The following BRINP2 variants were observed in gnomAD, a reference collection of about 807,000 sequenced individuals.
The protein encoded by BRINP2 is BMP/retinoic acid-inducible neural-specific protein 2.
A neutral mutation model predicts 69.2 loss-of-function variants in BRINP2; 21 were observed. That is an observed-to-expected ratio of 0.30 (90% CI 0.22 to 0.44). The LOEUF (loss-of-function observed/expected upper bound fraction) is 0.44, where lower values mean the gene tolerates loss of function less well. Among genes scored for constraint, BRINP2 ranks in the 20% least tolerant of loss-of-function variants. The probability of loss-of-function intolerance (pLI) is 1.00; values close to 1 mark genes in which losing one functional copy is unlikely to be tolerated. For missense variants in BRINP2, 877 were observed against 986.0 expected (o/e 0.89, Z 1.48); for synonymous variants, 380 against 394.1 (o/e 0.96, Z 0.42).
intron 1 of BRINP2, among the ~76,000 whole-genome samples, chr1:177,224,511 A>G (rs759817067): frequency 6.6e-6 from 1 of 152,162 alleles, no homozygotes; most frequent in Non-Finnish European, 1.5e-5. Context: ...CTCATAAATC[A>G]TTTAACCGAT....
At chr1:177,222,348 A>G (rs980656784) in intron 1 of BRINP2, among the ~76,000 whole-genome samples, 1 of 151,772 alleles carries the variant, frequency 6.6e-6, no homozygotes, top group Non-Finnish European at 1.5e-5. Flanking sequence ...GTCTCACTCT[A>G]TTGCCCAGGC....
chr1:177,219,224 G>T (rs1186777890), intron 1 of BRINP2, among the ~76,000 whole-genome samples: 1 of 152,096 alleles, frequency 6.6e-6, no homozygotes, highest in Non-Finnish European at 1.5e-5. Flanking sequence ...GCTAGCTCCT[G>T]CCACCACACA....
In BRINP2 at chr1:177,281,007, C is replaced by A; in HGVS notation, c.1831C>A (p.Pro611Thr). Residue 611 changes from proline (P) to threonine (T), a missense_variant, in exon 8 of 8, where the codon CCT (proline) becomes ACT (threonine). Pro to Thr is a conservative substitution (Grantham distance 38). Transcript: ENST00000361539. ...CATGCCTGTGAATGAGGGCAGCTTT[C>A]CTGACTGGGAAAGGACTAACGTGGA... ...WFMPVNEGSF[P>T]DWERTNVDAA... The A allele has an allele frequency of 6.2e-7, 1 of 1,614,204 alleles. No homozygotes were observed. Among genetic ancestry groups the A allele is most frequent in the Non-Finnish European group, 8.5e-7 (1 of 1,180,034 alleles).
At chr1:177,256,587 TG>T in intron 3 of BRINP2, 1 of 984,422 alleles carries the variant, frequency 1.0e-6, no homozygotes, top group Non-Finnish European at 1.2e-6. Context: ...GGGCGGAGAG[TG>T]GGGGTAGGGT....
At chr1:177,254,611 T>C (rs1483921065) in intron 2 of BRINP2, among the ~76,000 whole-genome samples, 1 of 152,138 alleles carries the variant, frequency 6.6e-6, no homozygotes, top group Non-Finnish European at 1.5e-5. Context: ...AGCCACTTTT[T>C]TCATGGAACT....
At chr1:177,207,276 C>T (rs985663645) in intron 1 of BRINP2, among the ~76,000 whole-genome samples, 2 of 152,084 alleles carry the variant, frequency 1.3e-5, no homozygotes, top group Admixed American at 1.3e-4. Context: ...TGGCTAACAG[C>T]TTGGAAAAAC....
chr1:177,195,004 A>G lies in BRINP2; in HGVS notation c.-77+23272A>G, dbSNP rs189960893. Among the ~76,000 whole-genome samples the G allele has an allele frequency of 3.7e-3, 569 of 152,244 alleles. 1 individual carries two copies. The highest frequency in any genetic ancestry group is 6.5e-3 in the Non-Finnish European group (441 of 68,008). ...TTCACCAAATACCTCTCGATCATCT[A>G]TTGTATGGCCAGGAAGATGGCAGAA... On this transcript the variant is annotated intron_variant, in intron 1 of 7. Transcript: ENST00000361539.
intron 2 of BRINP2, among the ~76,000 whole-genome samples, chr1:177,249,535 A>AGT (rs1168745576): frequency 1.3e-5 from 2 of 152,244 alleles, no homozygotes; most frequent in Non-Finnish European, 2.9e-5. Flanking sequence ...ACTGTGTAAC[A>AGT]AACACAGTGG....
chr1:177,256,173 G>A (rs1368991752), intron 3 of BRINP2, 64 bp downstream of exon 3: 13 of 1,546,106 alleles, frequency 8.4e-6, no homozygotes, highest in Non-Finnish European at 1.1e-5. Context: ...GTTAAGACTC[G>A]TGTAGCGTAG....
intron 1 of BRINP2, among the ~76,000 whole-genome samples, chr1:177,202,260 C>T (rs1648936352): frequency 6.6e-6 from 1 of 152,062 alleles, no homozygotes; most frequent in East Asian, 1.9e-4. Flanking sequence ...AATGTGTTTG[C>T]TCTTGCTTCT....
At chr1:177,199,306 AG>A (rs1648836111) in intron 1 of BRINP2, among the ~76,000 whole-genome samples, 1 of 152,174 alleles carries the variant, frequency 6.6e-6, no homozygotes, top group South Asian at 2.1e-4. Flanking sequence ...CGCATACACT[AG>A]AGCACTTTTG....
In BRINP2 at chr1:177,256,902, C is replaced by T. The variant is rs932717387; in HGVS notation, c.461-274C>T. Reference sequence around the variant, plus strand: ...GTGTCTCCCCTATGAAGATGGATTGCTTGAGACAGAGTTCAATAGAAGATG... The same window carrying T: ...GTGTCTCCCCTATGAAGATGGATTGTTTGAGACAGAGTTCAATAGAAGATG... On this transcript the variant is annotated intron_variant, in intron 3 of 7. Coordinates refer to ENST00000361539, the MANE Select transcript of BRINP2 (RefSeq NM_021165.4). The T allele has an allele frequency of 7.1e-6, 9 of 1,268,750 alleles. No homozygotes were observed. The African/African-American group carries it at 1.4e-4, about 19-fold the overall frequency. 78.6% of individuals were successfully genotyped at this position (1,268,750 alleles called of 1,614,324 possible).
chr1:177,275,898 AGCCAATAAGCCTGTTC>A (rs1451339372), intron 5 of BRINP2, among the ~76,000 whole-genome samples: 1 of 152,220 alleles, frequency 6.6e-6, no homozygotes, highest in Non-Finnish European at 1.5e-5. Flanking sequence ...GCTGATGTGT[AGCCAATAAGCCTGTTC>A]TTATGATATG....
intron 2 of BRINP2, among the ~76,000 whole-genome samples, chr1:177,236,241 C>G (rs1471934201): frequency 6.6e-6 from 1 of 152,176 alleles, no homozygotes; most frequent in Non-Finnish European, 1.5e-5. Flanking sequence ...GGCCTTCCGC[C>G]CAAGGAATTT....
intron 1 of BRINP2, among the ~76,000 whole-genome samples, chr1:177,190,067 A>G (rs1222457573): frequency 6.6e-6 from 1 of 152,180 alleles, no homozygotes; most frequent in Non-Finnish European, 1.5e-5. Flanking sequence ...ACAGGGCCTG[A>G]TAAAATTCAA....
intron 4 of BRINP2, among the ~76,000 whole-genome samples, chr1:177,263,502 TG>T (rs1176907503): frequency 6.6e-6 from 1 of 152,066 alleles, no homozygotes; most frequent in Non-Finnish European, 1.5e-5. Flanking sequence ...GGGTGGGAAA[TG>T]AGATGGCCAC....
At position 177,281,385 on chromosome 1, in the gene BRINP2, C is replaced by A. The variant is rs1360001909; in HGVS notation, c.2209C>A (p.Arg737=). 1 of 1,613,982 alleles carries A rather than the reference C, an allele frequency of 6.2e-7. No individual in the cohort carries two copies. Among genetic ancestry groups the A allele is most frequent in the Non-Finnish European group, 8.5e-7 (1 of 1,180,034 alleles). Reference sequence around the variant, plus strand: ...CCAGCTTTCTCCACCTGGCAAAGTCCGACTTGACCTTTTCTCCTGCTTGCT... The same window carrying A: ...CCAGCTTTCTCCACCTGGCAAAGTCAGACTTGACCTTTTCTCCTGCTTGCT... ...VNQLSPPGKV[R]LDLFSCLLRH... The change falls in exon 8 of 8, where the codon CGA becomes AGA. Residue 737 remains arginine, a synonymous_variant. Transcript: ENST00000361539.
At chr1:177,208,112 A>G (rs1037943245) in intron 1 of BRINP2, among the ~76,000 whole-genome samples, 1 of 152,200 alleles carries the variant, frequency 6.6e-6, no homozygotes, top group African/African-American at 2.4e-5. Flanking sequence ...CATAAAAAGA[A>G]TCTAACAGTA....
At chr1:177,190,196 T>C (rs920161815) in intron 1 of BRINP2, among the ~76,000 whole-genome samples, 2 of 152,190 alleles carry the variant, frequency 1.3e-5, no homozygotes, top group African/African-American at 4.8e-5. Flanking sequence ...CAACCCTCCA[T>C]AAGTCTCTCC....
Sources: allele counts gnomAD v4.1 joint callset (sites outside exome capture counted in the v4.1 genomes callset), GRCh38; gene constraint gnomAD v4.1.1; transcripts MANE v1.5; gene names NCBI Gene and HGNC (gene_info 2026-07-23, HGNC 2026-07-21).